CCDC63: variants seen among roughly 807,000 people sequenced by gnomAD.
CCDC63 encodes coiled-coil domain containing 63.
Under a neutral mutation model 63.6 loss-of-function variants are expected in CCDC63, and 54 were observed. The ratio of observed to expected loss-of-function variants is 0.85; its 90% CI spans 0.68 to 1.07. The LOEUF (loss-of-function observed/expected upper bound fraction) is 1.07, where lower values mean the gene tolerates loss of function less well. Among genes scored for constraint, CCDC63 ranks in the 50% least tolerant of loss-of-function variants. The pLI is 0.00. For missense variants in CCDC63, 637 were observed against 689.6 expected, an observed-to-expected ratio of 0.92 and a Z score of 0.86; for synonymous variants, 253 against 266.1, an observed-to-expected ratio of 0.95 and a Z score of 0.48.
At chr12:110,867,426 G>T (rs1366146955) in intron 4 of CCDC63, among the ~76,000 whole-genome samples, 4 of 120,172 alleles carry the variant, frequency 3.3e-5, no homozygotes, top group African/African-American at 6.6e-5. Flanking sequence ...CCTCCCGGAC[G>T]GGGTGGCTGG....
chr12:110,870,837 C>T (rs1276922410), intron 4 of CCDC63, among the ~76,000 whole-genome samples: 1 of 152,220 alleles, frequency 6.6e-6, no homozygotes, highest in East Asian at 1.9e-4. Flanking sequence ...CACAACCCAC[C>T]TGCAATCCCA....
intron 4 of CCDC63, among the ~76,000 whole-genome samples, chr12:110,869,508 C>T (rs1000441844): frequency 2.6e-5 from 4 of 152,130 alleles, no homozygotes; most frequent in Middle Eastern, 3.2e-3. Flanking sequence ...CTAAGGCCTT[C>T]TGGGACTTAG....
intron 4 of CCDC63, among the ~76,000 whole-genome samples, chr12:110,861,063 G>A (rs539079212): frequency 1.4e-3 from 219 of 152,226 alleles, no homozygotes; most frequent in African/African-American, 4.6e-3. Flanking sequence ...GAGAGAGACG[G>A]GGGAGGCGCC....
At chr12:110,881,094 C>T (rs2071201198) in intron 6 of CCDC63, 21 bp from the exon 7 acceptor site, 6 of 1,590,614 alleles carry the variant, frequency 3.8e-6, no homozygotes, top group Non-Finnish European at 5.1e-6. Context: ...GATGCTCAGG[C>T]TCTGTACTCC....
At chr12:110,868,432 T>C (rs4766436) in intron 4 of CCDC63, among the ~76,000 whole-genome samples, 1 of 150,286 alleles carries the variant, frequency 6.7e-6, no homozygotes, top group Non-Finnish European at 1.5e-5. Context: ...TGCACTCCAG[T>C]CTGGGCACCA....
At chr12:110,865,405 T>C (rs933401114) in intron 4 of CCDC63, among the ~76,000 whole-genome samples, 5 of 150,706 alleles carry the variant, frequency 3.3e-5, no homozygotes, top group African/African-American at 9.8e-5. Context: ...GGCCCATTTA[T>C]TGTTTAAGAT....
At chr12:110,879,505 A>G (rs61940990) in intron 5 of CCDC63, among the ~76,000 whole-genome samples, 4 of 152,108 alleles carry the variant, frequency 2.6e-5, no homozygotes, top group South Asian at 4.2e-4. Context: ...AGCCCCACCC[A>G]ATTTTTTTTT....
At chr12:110,858,473 C>A in intron 3 of CCDC63, 113 bp from the exon 4 acceptor site, 1 of 887,676 alleles carries the variant, frequency 1.1e-6, no homozygotes, top group Non-Finnish European at 1.7e-6. Context: ...TGCCTGCTTG[C>A]TCAGGTGGGA....
At chr12:110,879,774 T>A in intron 5 of CCDC63, 132 bp from the exon 6 acceptor site, 1 of 822,660 alleles carries the variant, frequency 1.2e-6, no homozygotes, top group South Asian at 1.7e-5. Flanking sequence ...TCTTGCCTAC[T>A]GCTCCAACCA....
At position 110,904,643 on chromosome 12, in the gene CCDC63, C is replaced by T; in HGVS notation, c.1398C>T (p.Ile466=). 6.2e-7 allele frequency: 1 copy of T among 1,614,092 alleles called. No individual in the cohort carries two copies. The highest frequency in any genetic ancestry group is 8.5e-7 in the Non-Finnish European group (1 of 1,180,030). The stretch of plus-strand genomic sequence containing the variant: ...TGCTGTTGGAGACCTACAGGCGCAT[C>T]CTGGAAGTGGAAGGGGCAGAGGCTG... ...DLLLLETYRR[I]LEVEGAEAEI... is the part of the protein sequence containing the mutation. The change falls in exon 11 of 12, where the codon ATC becomes ATT. Residue 466 remains isoleucine, a synonymous_variant. Coordinates refer to ENST00000308208, the MANE Select transcript of CCDC63 (RefSeq NM_152591.3).
intron 3 of CCDC63, among the ~76,000 whole-genome samples, chr12:110,856,076 C>CT (rs1181919290): frequency 2.8e-5 from 4 of 143,984 alleles, no homozygotes; most frequent in South Asian, 2.2e-4. Context: ...CTGAAAACCT[C>CT]TTTTTTTTTT....
At chr12:110,866,022 G>A (rs2070942568) in intron 4 of CCDC63, among the ~76,000 whole-genome samples, 1 of 152,168 alleles carries the variant, frequency 6.6e-6, no homozygotes, top group Non-Finnish European at 1.5e-5. Flanking sequence ...CTGTCACCCA[G>A]GCTGGAGTGT....
intron 4 of CCDC63, among the ~76,000 whole-genome samples, chr12:110,870,740 C>T (rs1263224617): frequency 2.0e-5 from 3 of 152,160 alleles, no homozygotes; most frequent in Non-Finnish European, 2.9e-5. Flanking sequence ...TTGCTCTCAT[C>T]TTCACCTTCT....
At chr12:110,876,105 CAAAA>C (rs35045738) in intron 5 of CCDC63, among the ~76,000 whole-genome samples, 4 of 86,720 alleles carry the variant, frequency 4.6e-5, no homozygotes, top group Non-Finnish European at 7.1e-5. Context: ...GAACCTGTCT[CAAAA>C]AAAAAAAAAA....
chr12:110,904,596 G>T lies in CCDC63; in HGVS notation c.1351G>T (p.Glu451Ter). 1 of 1,614,028 alleles carries T rather than the reference G, an allele frequency of 6.2e-7. No individual in the cohort carries two copies. The highest frequency in any genetic ancestry group is 8.5e-7 in the Non-Finnish European group (1 of 1,179,988). Residue 451 changes from glutamate to a stop codon, truncating the protein, a stop_gained, in exon 11 of 12, where the codon GAA (glutamate) becomes TAA (stop). Transcript: ENST00000308208. LOFTEE classifies it high-confidence loss of function. ...TGCTTCTTGTTCTCCAGCCATCATTGAAAAGAAGACCAACGACCTGCTGCT... is the reference window on the plus strand; with the variant it reads ...TGCTTCTTGTTCTCCAGCCATCATTTAAAAGAAGACCAACGACCTGCTGCT... ...INLPQYFAII[E>*]KKTNDLLLLE... is the part of the protein sequence containing the mutation.
chr12:110,893,997 A>AG (rs903623520), intron 9 of CCDC63, among the ~76,000 whole-genome samples: 1 of 151,890 alleles, frequency 6.6e-6, no homozygotes, highest in Middle Eastern at 3.2e-3. Context: ...TCTCAAAAAA[A>AG]AAAAAAAAAA....
chr12:110,873,221 G>A (rs2071088719), intron 4 of CCDC63, among the ~76,000 whole-genome samples: 1 of 152,180 alleles, frequency 6.6e-6, no homozygotes, highest in Non-Finnish European at 1.5e-5. Context: ...GGGCGACAGA[G>A]TGAGACCCTG....
intron 8 of CCDC63, among the ~76,000 whole-genome samples, chr12:110,885,986 T>G (rs1450682997): frequency 6.6e-6 from 1 of 152,168 alleles, no homozygotes; most frequent in Non-Finnish European, 1.5e-5. Context: ...ACATAATGGC[T>G]TGGTTTACAG....
At chr12:110,856,692 C>T (rs1198099802) in intron 3 of CCDC63, among the ~76,000 whole-genome samples, 1 of 152,104 alleles carries the variant, frequency 6.6e-6, no homozygotes. Context: ...CACTGCAGAA[C>T]GTCCTATTAG....
Sources: gnomAD v4.1 joint callset for allele counts (sites outside exome capture counted in the v4.1 genomes callset) on GRCh38, gnomAD v4.1.1 for gene constraint, MANE v1.5 for transcripts, NCBI Gene and HGNC (gene_info 2026-07-23, HGNC 2026-07-21) for gene names.